The following WDR62 variants were observed in gnomAD, a reference collection of about 807,000 sequenced individuals.
The protein encoded by WDR62 is WD repeat-containing protein 62.
A neutral mutation model predicts 160.6 loss-of-function variants in WDR62; 112 were observed. The observed-to-expected ratio is 0.70, with a 90% CI of 0.60 to 0.82. WDR62 has a LOEUF of 0.82. Among genes scored for constraint, WDR62 ranks in the 40% least tolerant of loss-of-function variants. The pLI, the probability that WDR62 is intolerant of heterozygous loss-of-function variation, is 0.00. For synonymous variants in WDR62, 792 were observed against 815.1 expected, an observed-to-expected ratio of 0.97 and a Z score of 0.48; for missense variants, 1,819 against 1,983.8, an observed-to-expected ratio of 0.92 and a Z score of 1.58.
At chr19:36,080,641 A>G (rs1244655010) in intron 9 of WDR62, among the ~76,000 whole-genome samples, 1 of 151,260 alleles carries the variant, frequency 6.6e-6, no homozygotes, top group East Asian at 2.0e-4. Context: ...TATTTTTAGT[A>G]GAGACGGGGT....
intron 7 of WDR62, among the ~76,000 whole-genome samples, chr19:36,069,065 C>T (rs1217116499): frequency 6.7e-5 from 10 of 149,916 alleles, no homozygotes; most frequent in East Asian, 2.0e-4. Context: ...GGCGGCTGGC[C>T]GGGCGGGGGC....
intron 3 of WDR62, among the ~76,000 whole-genome samples, chr19:36,064,258 C>T (rs1179449385): frequency 6.6e-6 from 1 of 152,154 alleles, no homozygotes; most frequent in Non-Finnish European, 1.5e-5. Flanking sequence ...GGCTGTGTCT[C>T]TGAACGCCAC....
At position 36,104,583 on chromosome 19, in the gene WDR62, C is replaced by A; in HGVS notation, c.4219C>A (p.Leu1407Met). The A allele has an allele frequency of 6.2e-7, 1 of 1,613,890 alleles. No homozygotes were observed. Among genetic ancestry groups the A allele is most frequent in the Non-Finnish European group, 8.5e-7 (1 of 1,179,988 alleles). Residue 1407 changes from leucine to methionine, a missense_variant, in exon 31 of 32, where the codon CTG becomes ATG. Leu to Met is a conservative substitution (Grantham distance 15). This residue lies in a region of WDR62 where 770 missense variants were observed against 734.2 expected (regional missense o/e 1.05). Transcript: ENST00000401500. The stretch of plus-strand genomic sequence containing the variant: ...TGAGCCCTGGGTGCCGGTTGAAGCC[C>A]TGCCCCCATCTCCCCTTGAGCTGAG... Reference protein sequence around the residue: ...WSEPWVPVEALPPSPLELSRV... With the variant: ...WSEPWVPVEAMPPSPLELSRV...
At chr19:36,061,885 GTACA>G (rs1200045768) in intron 3 of WDR62, 1 of 151,624 alleles carries the variant, frequency 6.6e-6, no homozygotes, top group Non-Finnish European at 1.5e-5. Context: ...ACTTAGAATA[GTACA>G]AAGAGCTCCT....
intron 9 of WDR62, among the ~76,000 whole-genome samples, chr19:36,079,621 G>A (rs1287802139): frequency 6.6e-6 from 1 of 152,160 alleles, no homozygotes; most frequent in East Asian, 1.9e-4. Flanking sequence ...CTGCTGTTGG[G>A]GTGGATGAAA....
rs777428608 is a variant in WDR62 at position 36,102,092 on chromosome 19, C to A, written c.3161C>A (p.Pro1054Gln). The A allele has an allele frequency of 1.2e-6, 2 of 1,614,144 alleles. No homozygotes were observed. Among genetic ancestry groups the A allele is most frequent in the Non-Finnish European group, 1.7e-6 (2 of 1,180,018 alleles). Reference protein sequence around the residue: ...SVPSSSLPQTPEQEKFLRHHF... With the variant: ...SVPSSSLPQTQEQEKFLRHHF... ...CCCAGCAGCTCCCTACCCCAGACTC[C>A]GGAGCAGGAGAAGTTCCTCCGCCAC... Residue 1054 changes from proline to glutamine, a missense_variant, in exon 26 of 32, where the codon CCG becomes CAG. Physicochemically the swap from Pro to Gln is moderately conservative, Grantham distance 76. This residue lies in a region of WDR62 where 770 missense variants were observed against 734.2 expected (regional missense o/e 1.05). Coordinates refer to ENST00000401500, the MANE Select transcript of WDR62 (RefSeq NM_001083961.2).
chr19:36,089,976 G>A (rs1327877157), intron 15 of WDR62, among the ~76,000 whole-genome samples: 2 of 152,230 alleles, frequency 1.3e-5, no homozygotes, highest in African/African-American at 4.8e-5. Context: ...TCACAGTCCA[G>A]TAGAATGGAC....
At chr19:36,062,982 C>T (rs1465450981) in intron 3 of WDR62, among the ~76,000 whole-genome samples, 1 of 151,452 alleles carries the variant, frequency 6.6e-6, no homozygotes, top group Non-Finnish European at 1.5e-5. Context: ...GATGGAGTCT[C>T]TGTCGTCAGG....
At chr19:36,073,876 A>C (rs548740524) in intron 9 of WDR62, 1 of 378,884 alleles carries the variant, frequency 2.6e-6, no homozygotes, top group Non-Finnish European at 5.2e-6. Flanking sequence ...AGAGACCTGC[A>C]GGAAATCGGG....
chr19:36,092,322 A>G (rs1381080601), intron 18 of WDR62, among the ~76,000 whole-genome samples: 1 of 152,082 alleles, frequency 6.6e-6, no homozygotes, highest in Non-Finnish European at 1.5e-5. Context: ...AAAAAAAAAA[A>G]AAGAAAATTG....
chr19:36,105,965 C>T (rs538848160), downstream of WDR62, among the ~76,000 whole-genome samples: 1 of 152,294 alleles, frequency 6.6e-6, no homozygotes. Flanking sequence ...TCCCAAAGTG[C>T]TGGGATTACA....
Position 36,068,019 on chromosome 19 carries a change from T to G in WDR62, c.882+9T>G, listed in dbSNP as rs1971036905. ...AGTGGATCAACCTGAAGGTACCACC[T>G]CCCTCTCTGCCATCAGCTGGACAGA... On this transcript the variant is annotated intron_variant, in intron 7 of 31. Transcript: ENST00000401500. 13 of 1,612,034 alleles carry G rather than the reference T, an allele frequency of 8.1e-6. No individual in the cohort carries two copies. The highest frequency in any genetic ancestry group is 1.1e-5 in the Non-Finnish European group (13 of 1,179,068).
At chr19:36,059,892 T>C in intron 2 of WDR62, 76 bp from the exon 3 acceptor site, 1 of 1,521,874 alleles carries the variant, frequency 6.6e-7, no homozygotes, top group Admixed American at 1.7e-5. Flanking sequence ...TTTGTGGGCT[T>C]TTCTGGTGGG....
At chr19:36,110,395 C>T in the WDR62 span, among the ~76,000 whole-genome samples, 1 of 151,546 alleles carries the variant, frequency 6.6e-6, no homozygotes, top group South Asian at 2.1e-4. Context: ...CGTTTGAACC[C>T]GGGAGGTGGA....
Position 36,089,075 on chromosome 19 carries a change from C to T in WDR62, c.1806C>T (p.Asp602=). 1 of 1,614,112 alleles carries T rather than the reference C, an allele frequency of 6.2e-7. No individual in the cohort carries two copies. The highest frequency in any genetic ancestry group is 1.1e-5 in the South Asian group (1 of 91,088). Residue 602 remains aspartate (D), a synonymous_variant, in exon 14 of 32, where the codon GAC becomes GAT. Coordinates refer to ENST00000401500, the MANE Select transcript of WDR62 (RefSeq NM_001083961.2). ...RDIQMISCGA[D]KSIYFRSAQQ... ...TCCAGATGATCAGCTGTGGGGCTGACAAGAGCATCTACTTTCGCAGTGCCC... is the reference window on the plus strand; with the variant it reads ...TCCAGATGATCAGCTGTGGGGCTGATAAGAGCATCTACTTTCGCAGTGCCC...
Position 36,086,728 on chromosome 19 carries a change from C to G in WDR62, c.1684C>G (p.His562Asp), listed in dbSNP as rs1379578836. The G allele has an allele frequency of 1.9e-6, 3 of 1,605,806 alleles. No individual in the cohort carries two copies. The East Asian group carries it at 6.7e-5, about 36-fold the overall frequency. The part of the protein sequence containing the change: ...LASASRDRLI[H>D]VLNVEKNYNL... The stretch of plus-strand genomic sequence containing the variant: ...CTCAGCCAGTCGGGACCGGCTGATC[C>G]ATGTGCTGAACGTGGAGAAGAACTA... The change falls in exon 13 of 32, where the codon CAT (histidine) becomes GAT (aspartate). Residue 562 changes from histidine to aspartate, a missense_variant. His to Asp is a moderately conservative substitution (Grantham distance 81). Coordinates refer to ENST00000401500, the MANE Select transcript of WDR62 (RefSeq NM_001083961.2).
In WDR62 at chr19:36,055,209, G is replaced by A. The variant is rs1423999434; in HGVS notation, c.177+61G>A. ...GGCTTCCTAGGTTTCCCCTAGTCCC[G>A]TCCTGAGAACTGTGGCCCCGACATC... On this transcript the variant is annotated intron_variant, in intron 1 of 31. Coordinates refer to ENST00000401500, the MANE Select transcript of WDR62 (RefSeq NM_001083961.2). The A allele has an allele frequency of 3.2e-6, 5 of 1,542,172 alleles. No individual in the cohort carries two copies. In the African/African-American group the frequency reaches 5.5e-5, roughly 17 times the overall value.
At chr19:36,090,274 T>C (rs970851429) in intron 15 of WDR62, among the ~76,000 whole-genome samples, 171 bp from the exon 16 acceptor site, 5 of 152,190 alleles carry the variant, frequency 3.3e-5, no homozygotes, top group Non-Finnish European at 7.3e-5. Context: ...ACTCAGTGGA[T>C]ACCCCAGGAC....
At chr19:36,071,815 C>A in intron 8 of WDR62, 99 bp downstream of exon 8, 1 of 1,421,460 alleles carries the variant, frequency 7.0e-7, no homozygotes, top group Non-Finnish European at 9.4e-7. Context: ...TCTGTCCATC[C>A]CACAAATACC....
Sources: allele counts gnomAD v4.1 joint callset (sites outside exome capture counted in the v4.1 genomes callset), GRCh38; gene constraint gnomAD v4.1.1; regional missense constraint gnomAD v4.1.1; transcripts MANE v1.5; gene names NCBI Gene and HGNC (gene_info 2026-07-23, HGNC 2026-07-21).